Variants in DNAH5 observed in about 807,000 individuals in gnomAD.
DNAH5 encodes the protein dynein axonemal heavy chain 5.
DNAH5 carries 372 observed loss-of-function variants against 518.2 expected under a neutral mutation model. The ratio of observed to expected loss-of-function variants is 0.72; its 90% CI spans 0.66 to 0.78. The LOEUF (loss-of-function observed/expected upper bound fraction) is 0.78, where lower values mean the gene tolerates loss of function less well. DNAH5 is among the 30% of genes least tolerant of loss of function. The pLI is 0.00. For missense variants in DNAH5, 5,523 were observed against 5,687.0 expected, an observed-to-expected ratio of 0.97 and a Z score of 0.93; for synonymous variants, 2,039 against 2,025.9, an observed-to-expected ratio of 1.01 and a Z score of -0.17.
intron 1 of DNAH5, among the ~76,000 whole-genome samples, chr5:13,978,070 C>T (rs912726309): frequency 3.9e-5 from 6 of 152,210 alleles, no homozygotes; most frequent in Non-Finnish European, 1.5e-5. Flanking sequence ...AGGGGCCAAG[C>T]ATCGTCCCTA....
chr5:13,955,157 G>A lies in DNAH5; in HGVS notation c.13-23913C>T, dbSNP rs556227233. ...CACCGTCCCCCAACTGCTGTCTCGC[G>A]ATTGAGGTCTCACAAGAACTGGTTG... On this transcript the variant is annotated intron_variant, in intron 1 of 78. Coordinates refer to the DNAH5 transcript ENST00000681290. Among the ~76,000 whole-genome samples, 5 of 152,162 alleles carry A rather than the reference G, an allele frequency of 3.3e-5. No individual in the cohort carries two copies. In the South Asian group the frequency reaches 8.3e-4, roughly 25 times the overall value.
Position 13,864,635 on chromosome 5 carries a change from C to G in DNAH5, c.4358G>C (p.Cys1453Ser). ...CTTCAAGGCCCGGGGAAGCTTTCGA[C>G]ATCTGTGAAGGGACACCAACATGAA... ...NNELLEFQNRCRKLPRALKDW... is the reference protein window; with the variant it reads ...NNELLEFQNRSRKLPRALKDW... Residue 1453 changes from cysteine (C) to serine (S), a missense_variant and splice_region_variant, in exon 28 of 79, where the codon TGT (cysteine) becomes TCT (serine). By Grantham distance (112) the Cys-to-Ser change is moderately radical (BLOSUM62 -1). Around this residue, in one of 3 missense-constraint regions of DNAH5, gnomAD observed 5,121 missense variants for 5,223.3 expected, o/e 0.98. Coordinates refer to ENST00000265104, the MANE Select transcript of DNAH5 (RefSeq NM_001369.3). 1 of 1,614,114 alleles carries G rather than the reference C, an allele frequency of 6.2e-7. No homozygotes were observed. The highest frequency in any genetic ancestry group is 8.5e-7 in the Non-Finnish European group (1 of 1,180,008).
At chr5:13,771,044 T>C (rs1753271323) in intron 55 of DNAH5, 64 bp from the exon 56 acceptor site, 1 of 1,347,822 alleles carries the variant, frequency 7.4e-7, no homozygotes, top group Non-Finnish European at 1.0e-6. Flanking sequence ...AAAAGTTAAC[T>C]GTTTATTTCT....
At chr5:13,989,006 T>C (rs936202554) in intron 1 of DNAH5, among the ~76,000 whole-genome samples, 13 of 151,456 alleles carry the variant, frequency 8.6e-5, no homozygotes, top group Non-Finnish European at 1.6e-4. Context: ...GGATTACAGG[T>C]GTAAGCCACC....
chr5:13,946,665 C>T (rs1196185617), upstream of DNAH5, among the ~76,000 whole-genome samples: 1 of 152,176 alleles, frequency 6.6e-6, no homozygotes, highest in African/African-American at 2.4e-5. Context: ...GTCTGCAGCC[C>T]CGTCTGTGCG....
chr5:13,910,713 T>G (rs1014753644), intron 12 of DNAH5, among the ~76,000 whole-genome samples: 2 of 152,144 alleles, frequency 1.3e-5, no homozygotes, highest in African/African-American at 4.8e-5. Flanking sequence ...ATCCCGCCTG[T>G]GTCCACCACA....
intron 15 of DNAH5, chr5:13,898,946 T>C: frequency 4.8e-6 from 1 of 209,352 alleles, no homozygotes; most frequent in African/African-American, 2.3e-5. Flanking sequence ...GTTTGTTTGT[T>C]TTTTGAGACG....
At chr5:13,820,279 G>C (rs540379496) in intron 41 of DNAH5, 67 bp downstream of exon 41, 2 of 1,526,342 alleles carry the variant, frequency 1.3e-6, no homozygotes, top group African/African-American at 2.7e-5. Context: ...TATCCCTCTT[G>C]GGCATTCAAA....
rs890199061 is a variant in DNAH5, at chr5:13,708,321, C to A, written c.13140G>T (p.Leu4380=). The A allele has an allele frequency of 5.0e-6, 8 of 1,613,922 alleles. No homozygotes were observed. Among genetic ancestry groups the A allele is most frequent in the Non-Finnish European group, 6.8e-6 (8 of 1,180,000 alleles). Reference sequence around the variant, plus strand: ...TAGGCTGGAATGGCCCCATCTTCTGCAGCCTCTCTTTTACCTGCCATGGAG... The same window carrying A: ...TAGGCTGGAATGGCCCCATCTTCTGAAGCCTCTCTTTTACCTGCCATGGAG... The part of the protein sequence containing the change: ...DYVPFEVKER[L]QKMGPFQPMN... The change falls in exon 76 of 79, where the codon CTG becomes CTT. Residue 4380 remains leucine, a synonymous_variant. Transcript: ENST00000265104.
At chr5:13,869,351 G>A (rs1478738166) in intron 24 of DNAH5, among the ~76,000 whole-genome samples, 2 of 151,842 alleles carry the variant, frequency 1.3e-5, no homozygotes, top group Non-Finnish European at 1.5e-5. Context: ...AATTAAACTA[G>A]TCTCATTTAA....
At chr5:13,839,849 A>G (rs564566546) in intron 34 of DNAH5, among the ~76,000 whole-genome samples, 1 of 152,346 alleles carries the variant, frequency 6.6e-6, no homozygotes, top group Non-Finnish European at 1.5e-5. Context: ...AGTCCTCACC[A>G]TGAAATATAA....
chr5:13,704,192 C>G (rs751253793), intron 76 of DNAH5, among the ~76,000 whole-genome samples: 1 of 152,134 alleles, frequency 6.6e-6, no homozygotes, highest in Admixed American at 6.5e-5. Context: ...GCCACAGCAG[C>G]GGTGGAAAGA....
At chr5:13,832,546 G>A (rs560605822) in intron 35 of DNAH5, among the ~76,000 whole-genome samples, 12 of 152,238 alleles carry the variant, frequency 7.9e-5, no homozygotes, top group African/African-American at 2.6e-4. Context: ...TTTCAAAACC[G>A]TTTCCATTCA....
At chr5:13,699,532 G>T (rs1335231435) in intron 78 of DNAH5, among the ~76,000 whole-genome samples, 3 of 152,154 alleles carry the variant, frequency 2.0e-5, no homozygotes, top group Admixed American at 6.5e-5. Context: ...TAATCAACAT[G>T]GTGAAGCCCT....
intron 55 of DNAH5, among the ~76,000 whole-genome samples, chr5:13,775,360 ATTTGT>A (rs371390456): frequency 1.3e-5 from 2 of 152,080 alleles, no homozygotes; most frequent in African/African-American, 2.4e-5. Flanking sequence ...GTAGGTAAGA[ATTTGT>A]TTTAAGAATA....
intron 38 of DNAH5, among the ~76,000 whole-genome samples, chr5:13,826,688 C>T (rs961976260): frequency 6.6e-6 from 1 of 152,182 alleles, no homozygotes; most frequent in Non-Finnish European, 1.5e-5. Context: ...TTGTAAATTA[C>T]CCAGTCTCAG....
At chr5:13,857,538 A>G (rs1767797160) in intron 30 of DNAH5, among the ~76,000 whole-genome samples, 1 of 152,254 alleles carries the variant, frequency 6.6e-6, no homozygotes, top group South Asian at 2.1e-4. Flanking sequence ...GAAACAAAAA[A>G]GAGTCCATAT....
At chr5:13,745,230 A>G (rs765271174) in intron 65 of DNAH5, among the ~76,000 whole-genome samples, 2 of 152,036 alleles carry the variant, frequency 1.3e-5, no homozygotes, top group Non-Finnish European at 2.9e-5. Context: ...TTTGGTTTCT[A>G]TAAAGGAAGG....
chr5:13,755,244 C>G (rs1750829055), intron 61 of DNAH5, among the ~76,000 whole-genome samples: 1 of 152,044 alleles, frequency 6.6e-6, no homozygotes, highest in Non-Finnish European at 1.5e-5. Context: ...AGCTACCTGA[C>G]AAGTCACTGG....
Sources: gnomAD v4.1 joint callset for allele counts (sites outside exome capture counted in the v4.1 genomes callset) on GRCh38, gnomAD v4.1.1 for gene constraint, gnomAD v4.1.1 regional missense constraint, MANE v1.5 for transcripts, NCBI Gene and HGNC (gene_info 2026-07-23, HGNC 2026-07-21) for gene names.